TAB2: variants seen among roughly 807,000 people sequenced by gnomAD.
TAB2 encodes TGF-beta activated kinase 1 (MAP3K7) binding protein 2.
In TAB2, 3 loss-of-function variants were observed where a neutral mutation model predicts 65.0. The ratio of observed to expected loss-of-function variants is 0.05; its 90% confidence interval spans 0.02 to 0.12. TAB2 has a LOEUF of 0.12. TAB2 is among the 10% of genes least tolerant of loss of function. The probability of loss-of-function intolerance (pLI) is 1.00; values close to 1 mark genes in which losing one functional copy is unlikely to be tolerated. For synonymous variants in TAB2, 298 were observed against 285.1 expected, an observed-to-expected ratio of 1.05 and a Z score of -0.46; for missense variants, 623 against 840.3, an observed-to-expected ratio of 0.74 and a Z score of 3.20.
chr6:149,251,162 C>T (rs115640548), intron 1 of TAB2, among the ~76,000 whole-genome samples: 39 of 152,306 alleles, frequency 2.6e-4, no homozygotes, highest in East Asian at 1.4e-3. Context: ...CATAATCAAC[C>T]GTAGAGATGA....
chr6:149,248,213 G>A (rs536677268), intron 1 of TAB2, among the ~76,000 whole-genome samples: 77 of 152,122 alleles, frequency 5.1e-4, no homozygotes, highest in African/African-American at 1.4e-3. Context: ...CCAACATGGC[G>A]AAACCCCGTC....
At position 149,377,873 on chromosome 6, in the gene TAB2, A is replaced by G. The variant is rs181326509; in HGVS notation, c.103-145A>G. The G allele has an allele frequency of 4.4e-4, 304 of 687,648 alleles. 1 individual carries two copies. The African/African-American group carries it at 4.5e-3, about 10-fold the overall frequency. 42.6% of individuals were successfully genotyped at this position (687,648 alleles called of 1,614,324 possible). A position where few individuals can be genotyped will look rare whatever the true frequency, so the allele number is the denominator to read the frequency against. ...GAGGATTTTTAATTCAATCATTTGCATAAAAAAACTTCTCAAATTTAAATA... is the reference window on the plus strand; with the variant it reads ...GAGGATTTTTAATTCAATCATTTGCGTAAAAAAACTTCTCAAATTTAAATA... On this transcript the variant is annotated intron_variant, in intron 2 of 6. Coordinates refer to ENST00000637181, the MANE Select transcript of TAB2 (RefSeq NM_001292034.3).
intron 1 of TAB2, among the ~76,000 whole-genome samples, chr6:149,289,242 A>G (rs1778731388): frequency 6.6e-6 from 1 of 152,090 alleles, no homozygotes; most frequent in African/African-American, 2.4e-5. Flanking sequence ...AAAAGGCAAA[A>G]TCAGGCAGAG....
intron 1 of TAB2, among the ~76,000 whole-genome samples, chr6:149,256,521 T>C (rs1279141969): frequency 6.6e-6 from 1 of 152,146 alleles, no homozygotes; most frequent in African/African-American, 2.4e-5. Context: ...GGAGGCAGGG[T>C]AGTATTCAAG....
chr6:149,408,160 GT>G (rs1782729772), intron 6 of TAB2, among the ~76,000 whole-genome samples: 3 of 151,586 alleles, frequency 2.0e-5, no homozygotes, highest in Non-Finnish European at 4.4e-5. Context: ...AAAGTCAAAA[GT>G]TTTTTAAACT....
intron 2 of TAB2, among the ~76,000 whole-genome samples, chr6:149,374,704 A>G (rs940432609): frequency 1.3e-5 from 2 of 152,230 alleles, no homozygotes; most frequent in Non-Finnish European, 2.9e-5. Context: ...GTCTCCTTGT[A>G]TGATTTGACA....
intron 1 of TAB2, among the ~76,000 whole-genome samples, chr6:149,330,691 A>G (rs1562418951): frequency 6.6e-6 from 1 of 152,148 alleles, no homozygotes; most frequent in Non-Finnish European, 1.5e-5. Context: ...CCTTTGTTGA[A>G]TACGTGATTT....
intron 1 of TAB2, among the ~76,000 whole-genome samples, chr6:149,276,316 G>A (rs887014297): frequency 6.6e-6 from 1 of 152,154 alleles, no homozygotes; most frequent in Non-Finnish European, 1.5e-5. Flanking sequence ...GTATTAATAT[G>A]TTAATTGGTT....
intron 1 of TAB2, among the ~76,000 whole-genome samples, chr6:149,233,072 T>C (rs1294790237): frequency 6.6e-6 from 1 of 152,118 alleles, no homozygotes; most frequent in Non-Finnish European, 1.5e-5. Context: ...CCAGGAGTGA[T>C]ATATCCTGCA....
intron 1 of TAB2, among the ~76,000 whole-genome samples, chr6:149,273,040 C>T (rs573853462): frequency 2.7e-4 from 41 of 151,998 alleles, no homozygotes; most frequent in Non-Finnish European, 5.1e-4. Context: ...CCGCACCCTT[C>T]GCCCCATGTC....
intron 1 of TAB2, among the ~76,000 whole-genome samples, chr6:149,349,042 A>G (rs79781000): frequency 0.033 from 5,072 of 152,188 alleles, 291 homozygotes; most frequent in African/African-American, 0.12. Context: ...AAATACTACA[A>G]TGAATATTGT....
intron 1 of TAB2, chr6:149,246,958 C>CA (rs958762826): frequency 6.6e-6 from 1 of 152,558 alleles, no homozygotes; most frequent in Admixed American, 6.5e-5. Context: ...CCTCTTGCCA[C>CA]AGCAGTCCCT....
chr6:149,368,716 A>G (rs1368542399), intron 1 of TAB2, among the ~76,000 whole-genome samples: 5 of 151,582 alleles, frequency 3.3e-5, no homozygotes, highest in South Asian at 2.1e-4. Context: ...CTACAATGCA[A>G]ATAACTTGAT....
chr6:149,341,132 C>G (rs1453039881), intron 1 of TAB2, among the ~76,000 whole-genome samples: 1 of 151,918 alleles, frequency 6.6e-6, no homozygotes, highest in East Asian at 1.9e-4. Flanking sequence ...AACTTTTTAA[C>G]AAGAGATGTG....
chr6:149,281,220 CAAT>C (rs1417776824), intron 1 of TAB2, among the ~76,000 whole-genome samples: 1 of 151,424 alleles, frequency 6.6e-6, no homozygotes, highest in Non-Finnish European at 1.5e-5. Flanking sequence ...AAATATATAA[CAAT>C]AATGGCAGAA....
At position 149,378,639 on chromosome 6, in the gene TAB2, A is replaced by G. The variant is rs1368258560; in HGVS notation, c.724A>G (p.Met242Val). The change falls in exon 3 of 7, where the codon ATG becomes GTG. Residue 242 changes from methionine to valine, a missense_variant. Met to Val is a conservative substitution (Grantham distance 21). Coordinates refer to ENST00000637181, the MANE Select transcript of TAB2 (RefSeq NM_001292034.3). The part of the protein sequence containing the change: ...HSGWVSQFNP[M>V]NPQQVYQPSQ... ...TGGCTGGGTATCTCAGTTTAATCCCATGAACCCTCAGCAAGTTTATCAGCC... is the reference window on the plus strand; with the variant it reads ...TGGCTGGGTATCTCAGTTTAATCCCGTGAACCCTCAGCAAGTTTATCAGCC... The G allele has an allele frequency of 1.9e-6, 3 of 1,613,390 alleles. No homozygotes were observed. Among genetic ancestry groups the G allele is most frequent in the South Asian group, 1.1e-5 (1 of 91,080 alleles).
chr6:149,247,637 CT>C (rs1777750803), intron 1 of TAB2: 1 of 152,226 alleles, frequency 6.6e-6, no homozygotes, highest in South Asian at 2.1e-4. Context: ...ATAACTGCCC[CT>C]ATGGGGTTAG....
chr6:149,284,694 A>AC (rs1491394808), intron 1 of TAB2, among the ~76,000 whole-genome samples: 8 of 147,242 alleles, frequency 5.4e-5, no homozygotes, highest in South Asian at 2.2e-4. Flanking sequence ...ACACACACAC[A>AC]AGAATATAAA....
chr6:149,276,597 A>G (rs1217752897), intron 1 of TAB2, among the ~76,000 whole-genome samples: 1 of 152,164 alleles, frequency 6.6e-6, no homozygotes, highest in South Asian at 2.1e-4. Flanking sequence ...AAGCTGTCCA[A>G]CCTCACTCAT....
Sources: gnomAD v4.1 joint callset for allele counts (sites outside exome capture counted in the v4.1 genomes callset) on GRCh38, gnomAD v4.1.1 for gene constraint, MANE v1.5 for transcripts, NCBI Gene and HGNC (gene_info 2026-07-23, HGNC 2026-07-21) for gene names.